ERBIN: variants seen among roughly 807,000 people sequenced by gnomAD.
ERBIN encodes densin-180-like protein.
ERBIN carries 60 observed loss-of-function variants against 158.4 expected under a neutral mutation model. The observed-to-expected ratio is 0.38, with a 90% CI of 0.31 to 0.47. ERBIN has a LOEUF of 0.47. ERBIN is among the 20% of genes least tolerant of loss of function. The pLI is 0.99. For synonymous variants in ERBIN, 594 were observed against 557.2 expected, an observed-to-expected ratio of 1.07 and a Z score of -0.93; for missense variants, 1,610 against 1,648.0, an observed-to-expected ratio of 0.98 and a Z score of 0.40.
chr5:66,025,302 T>C (rs1756118859), intron 10 of ERBIN, 178 bp from the exon 11 acceptor site: 2 of 618,624 alleles, frequency 3.2e-6, no homozygotes, highest in Non-Finnish European at 5.8e-6. Flanking sequence ...TGGATGAAGA[T>C]TGAAAGGACA....
intron 1 of ERBIN, among the ~76,000 whole-genome samples, chr5:65,975,593 A>G (rs1322723996): frequency 1.3e-5 from 2 of 152,226 alleles, no homozygotes; most frequent in Non-Finnish European, 2.9e-5. Flanking sequence ...GGTGTGGGCC[A>G]CTGCGCCCGG....
chr5:65,952,141 A>G (rs1260367473), intron 1 of ERBIN, among the ~76,000 whole-genome samples: 2 of 152,212 alleles, frequency 1.3e-5, no homozygotes, highest in South Asian at 4.1e-4. Context: ...CAGAAAACAC[A>G]GGATACTCTT....
At chr5:66,060,002 T>C (rs1295000570) in intron 21 of ERBIN, among the ~76,000 whole-genome samples, 1 of 152,222 alleles carries the variant, frequency 6.6e-6, no homozygotes, top group Admixed American at 6.5e-5. Context: ...AAATTCTCTT[T>C]TTTGGTTGTG....
At chr5:65,949,388 G>A (rs968931564) in intron 1 of ERBIN, among the ~76,000 whole-genome samples, 11 of 152,162 alleles carry the variant, frequency 7.2e-5, no homozygotes, top group Non-Finnish European at 1.3e-4. Context: ...GCAGGGTAGT[G>A]TCTCACTTTG....
At chr5:65,990,181 T>G (rs1221517340) in intron 2 of ERBIN, among the ~76,000 whole-genome samples, 1 of 152,220 alleles carries the variant, frequency 6.6e-6, no homozygotes, top group Admixed American at 6.5e-5. Context: ...TTACTGATAT[T>G]TGAATTGTTT....
chr5:65,988,108 C>A (rs1386911148), intron 1 of ERBIN, among the ~76,000 whole-genome samples: 1 of 152,140 alleles, frequency 6.6e-6, no homozygotes, highest in South Asian at 2.1e-4. Context: ...CAGTGTCTCA[C>A]GTTTGTAATC....
At chr5:65,997,034 G>A (rs192018956) in intron 4 of ERBIN, among the ~76,000 whole-genome samples, 4 of 152,084 alleles carry the variant, frequency 2.6e-5, no homozygotes, top group Non-Finnish European at 4.4e-5. Flanking sequence ...AGTCTTTAGG[G>A]TTTTCTATAT....
At chr5:66,048,327 T>G (rs915727248) in intron 18 of ERBIN, among the ~76,000 whole-genome samples, 2 of 151,972 alleles carry the variant, frequency 1.3e-5, no homozygotes, top group African/African-American at 4.8e-5. Flanking sequence ...AGGCTTTTAA[T>G]AGAGTGTTAC....
At chr5:66,038,348 T>C (rs1288072559) in intron 14 of ERBIN, 35 bp from the exon 15 acceptor site, 1 of 1,384,028 alleles carries the variant, frequency 7.2e-7, no homozygotes, top group Admixed American at 1.8e-5. Context: ...TGCTTTAGGG[T>C]TATTGAAAAT....
At chr5:66,020,625 T>G (rs1435231229) in intron 7 of ERBIN, among the ~76,000 whole-genome samples, 1 of 151,408 alleles carries the variant, frequency 6.6e-6, no homozygotes, top group African/African-American at 2.4e-5. Flanking sequence ...AAGGGTACCT[T>G]TGTAAAAGGA....
chr5:66,058,411 G>C (rs1340785407), intron 21 of ERBIN, among the ~76,000 whole-genome samples: 6 of 151,980 alleles, frequency 3.9e-5, no homozygotes, highest in Non-Finnish European at 8.8e-5. Flanking sequence ...ATTTGTTTGA[G>C]TTCATTGTAG....
chr5:65,963,442 A>G, intron 1 of ERBIN, among the ~76,000 whole-genome samples: 1 of 152,128 alleles, frequency 6.6e-6, no homozygotes, highest in Non-Finnish European at 1.5e-5. Context: ...CTAAAAATAC[A>G]AAACAATTAG....
intron 2 of ERBIN, 83 bp from the exon 3 acceptor site, chr5:65,992,627 A>T: frequency 9.7e-7 from 1 of 1,031,940 alleles, no homozygotes. Flanking sequence ...GTGACATATG[A>T]ATTGTGATAG....
Position 66,053,988 on chromosome 5 carries a change from T to C in ERBIN, c.2670T>C (p.Asn890=). The change falls in exon 21 of 26, where the codon AAT becomes AAC. Residue 890 remains asparagine (N), a synonymous_variant. Coordinates refer to ENST00000284037, the MANE Select transcript of ERBIN (RefSeq NM_001253697.2). ...AAATCTATGATATTCTTAGTGATAATGGACCTCAGCAGCCAAGTACAACCG... is the reference window on the plus strand; with the variant it reads ...AAATCTATGATATTCTTAGTGATAACGGACCTCAGCAGCCAAGTACAACCG... ...GLKIYDILSD[N]GPQQPSTTVK... is the part of the protein sequence containing the mutation. The C allele has an allele frequency of 1.2e-6, 2 of 1,614,168 alleles. No homozygotes were observed. The highest frequency in any genetic ancestry group is 1.7e-6 in the Non-Finnish European group (2 of 1,180,026).
At position 66,018,505 on chromosome 5, in the gene ERBIN, ATT is replaced by A. The variant is rs1755148113; in HGVS notation, c.534-2816_534-2815del. ...TTATATATTATATTATATAATATAT[ATT>A]ATATATTATATAATATATATTATAT... On this transcript the variant is annotated intron_variant, in intron 7 of 25. Coordinates refer to ENST00000284037, the MANE Select transcript of ERBIN (RefSeq NM_001253697.2). Among the ~76,000 whole-genome samples, 4 of 10,992 alleles carry A rather than the reference ATT, an allele frequency of 3.6e-4. 1 individual carries two copies. The highest frequency in any genetic ancestry group is 1.1e-3 in the African/African-American group (2 of 1,884). The allele number at this position is 10,992 out of a possible 152,430, so 7.2% of individuals were successfully genotyped here.
At chr5:65,983,778 A>C (rs1258113997) in intron 1 of ERBIN, among the ~76,000 whole-genome samples, 1 of 152,048 alleles carries the variant, frequency 6.6e-6, no homozygotes, top group African/African-American at 2.4e-5. Context: ...GCTTCTCCGC[A>C]TCTCAGGGCA....
chr5:66,053,478 C>A lies in ERBIN; in HGVS notation c.2160C>A (p.Phe720Leu). The change falls in exon 21 of 26, where the codon TTC (phenylalanine) becomes TTA (leucine). Residue 720 changes from phenylalanine to leucine, a missense_variant. Physicochemically the swap from Phe to Leu is conservative, Grantham distance 22. This residue lies in a region of ERBIN where 1,014 missense variants were observed against 936.1 expected (regional missense o/e 1.08). Transcript: ENST00000284037. ...DILNSSTEEKFKAHDKKDFNL... is the reference protein window; with the variant it reads ...DILNSSTEEKLKAHDKKDFNL... ...TAAACAGTTCAACAGAGGAAAAGTT[C>A]AAAGCTCATGATAAAAAAGATTTTA... The A allele has an allele frequency of 6.2e-7, 1 of 1,602,464 alleles. No homozygotes were observed. The highest frequency in any genetic ancestry group is 1.1e-5 in the South Asian group (1 of 89,190).
chr5:66,032,477 A>C (rs1277352834), intron 14 of ERBIN, among the ~76,000 whole-genome samples: 1 of 152,208 alleles, frequency 6.6e-6, no homozygotes, highest in Non-Finnish European at 1.5e-5. Context: ...GTCTCAGGCA[A>C]AATGGACATT....
intron 3 of ERBIN, among the ~76,000 whole-genome samples, chr5:65,994,171 T>G (rs1752180543): frequency 6.6e-6 from 1 of 152,190 alleles, no homozygotes; most frequent in Non-Finnish European, 1.5e-5. Context: ...GTTGGATAAT[T>G]TACTGTTCTT....
Sources: allele counts gnomAD v4.1 joint callset (sites outside exome capture counted in the v4.1 genomes callset), GRCh38; gene constraint gnomAD v4.1.1; regional missense constraint gnomAD v4.1.1; transcripts MANE v1.5; gene names NCBI Gene and HGNC (gene_info 2026-07-23, HGNC 2026-07-21).